DOCK1: variants seen among roughly 807,000 people sequenced by gnomAD.
DOCK1 encodes the protein dedicator of cytokinesis protein 1.
A neutral mutation model predicts 262.7 loss-of-function variants in DOCK1; 138 were observed. That is an observed-to-expected ratio of 0.53 (90% CI 0.46 to 0.61). The LOEUF is 0.61. DOCK1 is among the 20% of genes least tolerant of loss of function. The pLI, the probability that DOCK1 is intolerant of heterozygous loss-of-function variation, is 0.00. For missense variants in DOCK1, 1,908 were observed against 2,370.7 expected (o/e 0.80, Z 4.05); for synonymous variants, 866 against 867.4 (o/e 1.00, Z 0.03).
At chr10:127,441,531 G>A (rs1338527053) in intron 49 of DOCK1, among the ~76,000 whole-genome samples, 1 of 152,206 alleles carries the variant, frequency 6.6e-6, no homozygotes, top group Admixed American at 6.5e-5. Context: ...CCTCCTCCAG[G>A]GGACGGGTGC....
intron 1 of DOCK1, among the ~76,000 whole-genome samples, chr10:126,921,927 T>C (rs2033241369): frequency 6.6e-6 from 1 of 151,884 alleles, no homozygotes; most frequent in Admixed American, 6.6e-5. Flanking sequence ...AAAAGAGGTA[T>C]AAGGCTGGAC....
At chr10:127,165,364 A>T (rs1437135591) in intron 27 of DOCK1, among the ~76,000 whole-genome samples, 1 of 152,188 alleles carries the variant, frequency 6.6e-6, no homozygotes, top group Non-Finnish European at 1.5e-5. Context: ...GTTGCCAAAG[A>T]CTAAAATCTT....
intron 38 of DOCK1, among the ~76,000 whole-genome samples, chr10:127,397,226 A>G (rs1316602567): frequency 2.1e-4 from 24 of 115,796 alleles, no homozygotes; most frequent in Non-Finnish European, 3.5e-4. Context: ...TTACACGGGC[A>G]GCGACTCCTA....
At chr10:127,145,843 C>T (rs1027383000) in intron 27 of DOCK1, 13 of 355,916 alleles carry the variant, frequency 3.7e-5, no homozygotes, top group Admixed American at 7.2e-5. Flanking sequence ...TCATCACACA[C>T]GGAAACCATT....
chr10:126,986,005 C>T (rs1017853600), intron 4 of DOCK1, among the ~76,000 whole-genome samples: 6 of 152,018 alleles, frequency 3.9e-5, no homozygotes, highest in Admixed American at 1.3e-4. Flanking sequence ...CCACCATGCC[C>T]GGCTGATTTT....
intron 25 of DOCK1, among the ~76,000 whole-genome samples, chr10:127,117,680 C>T (rs2049279122): frequency 1.3e-5 from 2 of 152,034 alleles, no homozygotes; most frequent in South Asian, 2.1e-4. Flanking sequence ...TCTGGGTGGG[C>T]TTCTGTTCCT....
At chr10:126,986,344 A>T (rs2039383007) in intron 4 of DOCK1, among the ~76,000 whole-genome samples, 2 of 152,070 alleles carry the variant, frequency 1.3e-5, no homozygotes, top group African/African-American at 4.8e-5. Context: ...GGTTCCTTCC[A>T]CAGGTCTGGG....
rs1384790347 is a variant in DOCK1 at position 127,037,787 on chromosome 10, A to ATG, written c.1982_1983dup (p.Lys662Ter). Reference sequence around the variant, plus strand: ...GCTGCAGCAGAACTTGAGGCAGCTGATGAAAGTCGATGGTGGTGAAGTAGT... The same window carrying ATG: ...GCTGCAGCAGAACTTGAGGCAGCTGATGTGAAAGTCGATGGTGGTGAAGTAGT... On this transcript the variant is annotated frameshift_variant, in exon 19 of 52. Transcript: ENST00000623213. LOFTEE classifies it high-confidence loss of function. The ATG allele has an allele frequency of 6.3e-7, 1 of 1,591,804 alleles. No individual in the cohort carries two copies. Among genetic ancestry groups the ATG allele is most frequent in the Admixed American group, 1.7e-5 (1 of 57,656 alleles).
At chr10:127,345,666 G>A (rs1440952209) in intron 31 of DOCK1, among the ~76,000 whole-genome samples, 3 of 152,136 alleles carry the variant, frequency 2.0e-5, no homozygotes, top group East Asian at 1.9e-4. Context: ...TGTGACTACC[G>A]AAGCGGCACG....
Position 127,100,898 on chromosome 10 carries a change from G to T in DOCK1, c.2446-5333G>T, listed in dbSNP as rs748034725. ...GGACGCAGGCCTTGCCCACACTGTG[G>T]GGTATTGTCCGATGGAGCAGAGGCT... On this transcript the variant is annotated intron_variant, in intron 23 of 51. Coordinates refer to ENST00000623213, the MANE Select transcript of DOCK1 (RefSeq NM_001290223.2). This position sits in a 1 kb window ranked among gnomAD's most constrained non-coding sequence, Gnocchi z 5.5. 6.6e-6 allele frequency among the ~76,000 whole-genome samples: 1 copy of T among 152,158 alleles called. No homozygotes were observed. The highest frequency in any genetic ancestry group is 2.4e-5 in the African/African-American group (1 of 41,436).
chr10:127,012,779 C>T lies in DOCK1; in HGVS notation c.1201+405C>T, dbSNP rs2041562070. Among the ~76,000 whole-genome samples the T allele has an allele frequency of 6.6e-6, 1 of 151,924 alleles. No individual in the cohort carries two copies. The highest frequency in any genetic ancestry group is 1.5e-5 in the Non-Finnish European group (1 of 67,976). On this transcript the variant is annotated intron_variant, in intron 12 of 51. Coordinates refer to ENST00000623213, the MANE Select transcript of DOCK1 (RefSeq NM_001290223.2). The surrounding 1 kb of genome is among the most constrained non-coding windows in gnomAD (Gnocchi z 4.0). ...TTCTGTCATTTAAGTGATTTCTCCGCCCCTACACTCCGCCTCACACTCACT... is the reference window on the plus strand; with the variant it reads ...TTCTGTCATTTAAGTGATTTCTCCGTCCCTACACTCCGCCTCACACTCACT...
At chr10:127,387,084 C>G (rs12221270) in intron 38 of DOCK1, among the ~76,000 whole-genome samples, 11,431 of 152,284 alleles carry the variant, frequency 0.075, 852 homozygotes, top group East Asian at 0.28. Flanking sequence ...CCGGGAGGCC[C>G]GAGGGCCAGA....
At chr10:127,308,313 G>T (rs1422001084) in intron 29 of DOCK1, among the ~76,000 whole-genome samples, 1 of 152,208 alleles carries the variant, frequency 6.6e-6, no homozygotes, top group Non-Finnish European at 1.5e-5. Context: ...TGGTGGAGGT[G>T]ACCTGGGATG....
At chr10:127,170,137 T>C (rs1432281398) in intron 27 of DOCK1, among the ~76,000 whole-genome samples, 1 of 151,946 alleles carries the variant, frequency 6.6e-6, no homozygotes, top group Non-Finnish European at 1.5e-5. Context: ...GCAGGGATGA[T>C]GGGAGGTGAT....
At chr10:127,352,845 G>A (rs970401736) in intron 31 of DOCK1, among the ~76,000 whole-genome samples, 1 of 151,988 alleles carries the variant, frequency 6.6e-6, no homozygotes, top group African/African-American at 2.4e-5. Flanking sequence ...CACCTGCCTC[G>A]GCCTCCCAAA....
intron 27 of DOCK1, among the ~76,000 whole-genome samples, chr10:127,212,541 G>T (rs930243059): frequency 2.6e-5 from 4 of 152,170 alleles, no homozygotes; most frequent in Non-Finnish European, 5.9e-5. Context: ...CAGACACCTC[G>T]AATTATTTTT....
In DOCK1 at chr10:126,951,163, GGTA is replaced by G. The variant is rs1189024746; in HGVS notation, c.47-19533_47-19531del. 7.9e-5 allele frequency among the ~76,000 whole-genome samples: 12 copies of G among 151,980 alleles called. No individual in the cohort carries two copies. The South Asian group carries it at 1.0e-3, about 13-fold the overall frequency. On this transcript the variant is annotated intron_variant, in intron 1 of 51. Coordinates refer to ENST00000623213, the MANE Select transcript of DOCK1 (RefSeq NM_001290223.2). ...CATGGTTGTTGGTGGTAGTATTACT[GGTA>G]GTAGTGTTGGTGATAGTGGTGATGG... is the stretch of plus-strand genomic sequence containing the variant.
At chr10:127,082,595 CGA>C (rs1442656841) in intron 23 of DOCK1, among the ~76,000 whole-genome samples, 1 of 152,098 alleles carries the variant, frequency 6.6e-6, no homozygotes, top group Non-Finnish European at 1.5e-5. Context: ...TACCTCCCAC[CGA>C]GTCCCTCCCA....
chr10:127,450,771 T>C (rs2070905566), intron 51 of DOCK1, among the ~76,000 whole-genome samples: 1 of 152,186 alleles, frequency 6.6e-6, no homozygotes, highest in African/African-American at 2.4e-5. Flanking sequence ...GCCACCTGTT[T>C]CTGTGAATAG....
Sources: allele counts gnomAD v4.1 joint callset (sites outside exome capture counted in the v4.1 genomes callset), GRCh38; gene constraint gnomAD v4.1.1; non-coding constraint Gnocchi (gnomAD v3.1); transcripts MANE v1.5; gene names NCBI Gene and HGNC (gene_info 2026-07-23, HGNC 2026-07-21).